Variants in TACR1 observed in about 807,000 individuals in gnomAD.
TACR1 encodes the protein tachykinin receptor 1.
Under a neutral mutation model 35.8 loss-of-function variants are expected in TACR1, and 25 were observed. That is an observed-to-expected ratio of 0.70 (90% CI 0.51 to 0.98). The LOEUF (loss-of-function observed/expected upper bound fraction) is 0.98. Ranked by LOEUF, TACR1 falls within the 50% of genes least tolerant of loss-of-function variation. The probability of loss-of-function intolerance (pLI) is 0.00; values close to 1 mark genes in which losing one functional copy is unlikely to be tolerated. For synonymous variants in TACR1, 195 were observed against 206.7 expected (o/e 0.94, Z 0.48); for missense variants, 478 against 522.9 (o/e 0.91, Z 0.84).
chr2:75,060,850 T>A (rs1052790951), intron 2 of TACR1, among the ~76,000 whole-genome samples: 3 of 151,710 alleles, frequency 2.0e-5, no homozygotes, highest in Non-Finnish European at 2.9e-5. Context: ...GGGGAGAGAT[T>A]CAGGAAGCAC....
At position 75,168,264 on chromosome 2, in the gene TACR1, T is replaced by A. The variant is rs900957622; in HGVS notation, c.389+30282A>T. 2.0e-5 allele frequency among the ~76,000 whole-genome samples: 3 copies of A among 152,208 alleles called. No individual in the cohort carries two copies. The East Asian group carries it at 5.8e-4, about 29-fold the overall frequency. On this transcript the variant is annotated intron_variant, in intron 1 of 4. Transcript: ENST00000305249. Reference sequence around the variant, plus strand: ...CCCCTCCACTCCCAAAAGTTTAAACTCTAATCCCAGGAGTCTGTGATTATG... The same window carrying A: ...CCCCTCCACTCCCAAAAGTTTAAACACTAATCCCAGGAGTCTGTGATTATG...
chr2:75,064,543 A>T (rs1004334059), intron 2 of TACR1, among the ~76,000 whole-genome samples: 1 of 152,220 alleles, frequency 6.6e-6, no homozygotes. Flanking sequence ...AGGGAAAAAG[A>T]TACCATATTA....
chr2:75,147,759 T>TTTC (rs56008804), intron 1 of TACR1, among the ~76,000 whole-genome samples: 5 of 151,478 alleles, frequency 3.3e-5, no homozygotes, highest in Admixed American at 1.3e-4. Flanking sequence ...TTTTTTTTTT[T>TTTC]CTGATACAGA....
chr2:75,094,173 C>T (rs1673366173), intron 2 of TACR1, among the ~76,000 whole-genome samples: 1 of 151,898 alleles, frequency 6.6e-6, no homozygotes, highest in African/African-American at 2.4e-5. Context: ...TTATAGGATG[C>T]CATGGGGAAA....
At chr2:75,182,670 C>T (rs747152924) in intron 1 of TACR1, among the ~76,000 whole-genome samples, 1 of 152,108 alleles carries the variant, frequency 6.6e-6, no homozygotes, top group Non-Finnish European at 1.5e-5. Context: ...TTCCAAATTG[C>T]CTACAGTATT....
intron 1 of TACR1, among the ~76,000 whole-genome samples, chr2:75,137,406 A>T (rs1295487137): frequency 6.6e-6 from 1 of 152,170 alleles, no homozygotes. Context: ...TGAATCTTCT[A>T]GGTCCAAGAT....
chr2:75,126,402 A>C (rs1415263554), intron 1 of TACR1, among the ~76,000 whole-genome samples: 4 of 152,138 alleles, frequency 2.6e-5, no homozygotes, highest in Non-Finnish European at 5.9e-5. Flanking sequence ...ATATGCATGC[A>C]TGTATCCTTA....
chr2:75,112,501 T>C (rs1673771807), intron 2 of TACR1, among the ~76,000 whole-genome samples: 1 of 152,150 alleles, frequency 6.6e-6, no homozygotes, highest in Non-Finnish European at 1.5e-5. Flanking sequence ...TTTTGAATCA[T>C]GTGGAATGTA....
chr2:75,092,960 T>C (rs1015817340), intron 2 of TACR1, among the ~76,000 whole-genome samples: 3 of 152,228 alleles, frequency 2.0e-5, no homozygotes, highest in Non-Finnish European at 4.4e-5. Context: ...AGTTTTCAAC[T>C]ACTTATCTAC....
At chr2:75,110,717 G>C (rs541870741) in intron 2 of TACR1, among the ~76,000 whole-genome samples, 1 of 150,932 alleles carries the variant, frequency 6.6e-6, no homozygotes, top group African/African-American at 2.4e-5. Flanking sequence ...ATAGTTTTTT[G>C]TATGAATGAT....
intron 1 of TACR1, among the ~76,000 whole-genome samples, chr2:75,134,923 G>T (rs1674249794): frequency 1.3e-5 from 2 of 152,180 alleles, no homozygotes; most frequent in South Asian, 4.1e-4. Context: ...GGTCTCACAG[G>T]CCTCTGCTGG....
intron 1 of TACR1, among the ~76,000 whole-genome samples, chr2:75,134,660 G>A (rs1674244960): frequency 6.6e-6 from 1 of 152,132 alleles, no homozygotes; most frequent in Non-Finnish European, 1.5e-5. Context: ...ATATACAGAA[G>A]CCCAGAGAAG....
chr2:75,091,193 C>T lies in TACR1; in HGVS notation c.584+29381G>A, dbSNP rs192136802. On this transcript the variant is annotated intron_variant, in intron 2 of 4. Transcript: ENST00000305249. ...TGCAGTCCTCAATTTCTTATGGGCT[C>T]GTAGGTGCAAAAAAAAAAAAAAAAA... is the stretch of plus-strand genomic sequence containing the variant. Among the ~76,000 whole-genome samples the T allele has an allele frequency of 2.8e-3, 329 of 117,926 alleles. 7 individuals carry two copies. The Admixed American group carries it at 0.034, about 12-fold the overall frequency. 77.4% of individuals were successfully genotyped at this position (117,926 alleles called of 152,430 possible).
intron 1 of TACR1, among the ~76,000 whole-genome samples, chr2:75,155,021 C>G (rs1270930953): frequency 6.6e-6 from 1 of 152,160 alleles, no homozygotes; most frequent in Non-Finnish European, 1.5e-5. Context: ...TCTGACCTCA[C>G]CTTTTCAAAC....
Position 75,062,516 on chromosome 2 carries a change from A to G in TACR1, c.585-8761T>C, listed in dbSNP as rs151260632. Among the ~76,000 whole-genome samples the G allele has an allele frequency of 1.8e-3, 267 of 152,258 alleles. 1 individual carries two copies. The highest frequency in any genetic ancestry group is 5.7e-3 in the African/African-American group (237 of 41,552). ...TTTTTAATAGCTGCAATAATGTTCTATTGCATGGAGGTACCATAGTTATTT... is the reference window on the plus strand; with the variant it reads ...TTTTTAATAGCTGCAATAATGTTCTGTTGCATGGAGGTACCATAGTTATTT... On this transcript the variant is annotated intron_variant, in intron 2 of 4. Coordinates refer to ENST00000305249, the MANE Select transcript of TACR1 (RefSeq NM_001058.4).
intron 1 of TACR1, among the ~76,000 whole-genome samples, chr2:75,161,905 T>C (rs1675018723): frequency 6.6e-6 from 1 of 151,910 alleles, no homozygotes; most frequent in African/African-American, 2.4e-5. Context: ...ATCAGTTCTG[T>C]GGAGAGAAAC....
At chr2:75,078,038 C>T (rs989787437) in intron 2 of TACR1, among the ~76,000 whole-genome samples, 2 of 152,172 alleles carry the variant, frequency 1.3e-5, no homozygotes, top group African/African-American at 2.4e-5. Context: ...TCTCTACTGG[C>T]GTAACTGCTA....
intron 1 of TACR1, among the ~76,000 whole-genome samples, chr2:75,161,505 T>C (rs1675009184): frequency 6.6e-6 from 1 of 152,120 alleles, no homozygotes; most frequent in African/African-American, 2.4e-5. Flanking sequence ...ATTTTTGGCA[T>C]TGATAGGAAG....
At chr2:75,116,613 A>G (rs574624859) in intron 2 of TACR1, among the ~76,000 whole-genome samples, 1 of 152,258 alleles carries the variant, frequency 6.6e-6, no homozygotes, top group South Asian at 2.1e-4. Context: ...TAGACAGTAT[A>G]AAAGTATTTT....
Sources: allele counts gnomAD v4.1 joint callset (sites outside exome capture counted in the v4.1 genomes callset), GRCh38; gene constraint gnomAD v4.1.1; transcripts MANE v1.5; gene names NCBI Gene and HGNC (gene_info 2026-07-23, HGNC 2026-07-21).